Variants in TMEM255B observed in about 807,000 individuals in gnomAD.
TMEM255B encodes transmembrane protein 255B, also known as family with sequence similarity 70, member B.
In TMEM255B, 35 loss-of-function variants were observed where a neutral mutation model predicts 34.5. The observed-to-expected ratio is 1.01, with a 90% CI of 0.77 to 1.34. TMEM255B has a LOEUF of 1.34. Ranked by LOEUF, TMEM255B falls within the 40% of genes most tolerant of loss-of-function variation. The pLI is 0.00. For synonymous variants in TMEM255B, 206 were observed against 201.2 expected, an observed-to-expected ratio of 1.02 and a Z score of -0.20; for missense variants, 432 against 433.2, an observed-to-expected ratio of 1.00 and a Z score of 0.02.
intron 1 of TMEM255B, chr13:113,761,252 A>G: frequency 2.0e-6 from 2 of 985,306 alleles, no homozygotes; most frequent in Non-Finnish European, 2.4e-6. Context: ...GCCACCTCCC[A>G]TGCTTTGTGA....
chr13:113,803,940 G>T (rs2051114715), intron 7 of TMEM255B, among the ~76,000 whole-genome samples: 1 of 152,188 alleles, frequency 6.6e-6, no homozygotes, highest in African/African-American at 2.4e-5. Flanking sequence ...CGTGTCCCCG[G>T]GTCGTCACCG....
At chr13:113,810,433 T>C (rs953039494) in intron 8 of TMEM255B, among the ~76,000 whole-genome samples, 1 of 152,248 alleles carries the variant, frequency 6.6e-6, no homozygotes, top group Admixed American at 6.5e-5. Flanking sequence ...TCTTCGCTTT[T>C]CTGGTCTCAG....
Position 113,801,774 on chromosome 13 carries a change from A to T in TMEM255B, c.631A>T (p.Ile211Phe), listed in dbSNP as rs1204935242. 1.9e-6 allele frequency: 3 copies of T among 1,612,322 alleles called. No homozygotes were observed. The highest frequency in any genetic ancestry group is 2.5e-6 in the Non-Finnish European group (3 of 1,179,284). ...VLNVLGLFLG[I>F]ITAAVLGAFK... ...GAACGTCCTGGGCCTGTTCCTGGGC[A>T]TCATCACCGCCGCCGTCCTGGGGGC... The change falls in exon 7 of 9, where the codon ATC (isoleucine) becomes TTC (phenylalanine). Residue 211 changes from isoleucine (I) to phenylalanine (F), a missense_variant. Coordinates refer to ENST00000375353, the MANE Select transcript of TMEM255B (RefSeq NM_182614.4).
intron 5 of TMEM255B, 125 bp from the exon 6 acceptor site, chr13:113,800,702 G>A (rs907970535): frequency 3.5e-6 from 3 of 846,800 alleles, no homozygotes; most frequent in Non-Finnish European, 5.7e-6. Context: ...GGAAAGTCGG[G>A]GGAGGCAGCT....
chr13:113,768,996 G>A lies in TMEM255B; in HGVS notation c.190-102G>A, dbSNP rs751183558. ...TAGGGATGTCTGGCCTTCGTCCCTG[G>A]ATAAAATGCCTTTGAGGGCGGGATT... On this transcript the variant is annotated intron_variant, in intron 2 of 8. Coordinates refer to ENST00000375353, the MANE Select transcript of TMEM255B (RefSeq NM_182614.4). 8.9e-6 allele frequency: 12 copies of A among 1,348,526 alleles called. No individual in the cohort carries two copies. In the African/African-American group the frequency reaches 1.7e-4, roughly 19 times the overall value. The allele number at this position is 1,348,526 out of a possible 1,614,324, so 83.5% of individuals were successfully genotyped here.
chr13:113,800,317 G>GTGTGTGTGTA (rs1416495618), intron 5 of TMEM255B, among the ~76,000 whole-genome samples: 1 of 149,558 alleles, frequency 6.7e-6, no homozygotes, highest in East Asian at 2.0e-4. Context: ...GTGTGTGTGT[G>GTGTGTGTGTA]TGTGTGTGTG....
rs1164079121 is a variant in TMEM255B at position 113,806,708 on chromosome 13, C to T, written c.813+1680C>T. 6.6e-6 allele frequency among the ~76,000 whole-genome samples: 1 copy of T among 152,136 alleles called. No individual in the cohort carries two copies. ...CTCCTGCCCCTGCCCCAGGGACGTC[C>T]CCATCATGGCAGGGACCGTGCCCCC... On this transcript the variant is annotated intron_variant, in intron 8 of 8. Coordinates refer to ENST00000375353, the MANE Select transcript of TMEM255B (RefSeq NM_182614.4). This position sits in a 1 kb window ranked among gnomAD's most constrained non-coding sequence, Gnocchi z 4.2.
chr13:113,807,821 G>T (rs1323730717), intron 8 of TMEM255B, among the ~76,000 whole-genome samples: 4 of 140,086 alleles, frequency 2.9e-5, no homozygotes, highest in African/African-American at 8.0e-5. Flanking sequence ...GGGCTTACGG[G>T]ATGTGGGGGG....
In TMEM255B at chr13:113,812,883, G is replaced by A. The variant is rs1427302075; in HGVS notation, c.*980G>A. The A allele has an allele frequency of 7.5e-3, 1,149 of 153,360 alleles. 95 individuals are homozygous for A. Among genetic ancestry groups the A allele is most frequent in the African/African-American group, 0.037 (1,046 of 28,244 alleles). 9.5% of individuals were successfully genotyped at this position (153,360 alleles called of 1,614,324 possible). A position where few individuals can be genotyped will look rare whatever the true frequency, so the allele number is the denominator to read the frequency against. The stretch of plus-strand genomic sequence containing the variant: ...CCGGGTGGGTCACAGGTCCCGAGTG[G>A]GTCACAGGCCCCGGGTGAGTCACAG... On this transcript the variant is annotated 3_prime_UTR_variant, in exon 9 of 9. Transcript: ENST00000375353.
Position 113,812,015 on chromosome 13 carries a change from A to G in TMEM255B, c.*112A>G, listed in dbSNP as rs1385086518. The G allele has an allele frequency of 1.2e-5, 16 of 1,368,920 alleles. No homozygotes were observed. Among genetic ancestry groups the G allele is most frequent in the South Asian group, 2.8e-5 (2 of 71,442 alleles). 84.8% of individuals were successfully genotyped at this position (1,368,920 alleles called of 1,614,324 possible). A position where few individuals can be genotyped will look rare whatever the true frequency, so the allele number is the denominator to read the frequency against. On this transcript the variant is annotated 3_prime_UTR_variant, in exon 9 of 9. Transcript: ENST00000375353. ...CCTAGAGAACCCGGGAGAATGTTCC[A>G]GAAGTCTGTCCCCTCCTTTCCTCCC...
chr13:113,775,365 G>A (rs2050559060), intron 3 of TMEM255B, among the ~76,000 whole-genome samples: 1 of 152,266 alleles, frequency 6.6e-6, no homozygotes, highest in Non-Finnish European at 1.5e-5. Context: ...CGCTGTCGTG[G>A]GAGCCCCATC....
At position 113,770,839 on chromosome 13, in the gene TMEM255B, T is replaced by C. The variant is rs367627823; in HGVS notation, c.252+1679T>C. 2.7e-4 allele frequency among the ~76,000 whole-genome samples: 41 copies of C among 152,250 alleles called. No individual in the cohort carries two copies. The highest frequency in any genetic ancestry group is 3.4e-3 in the Middle Eastern group (1 of 294). On this transcript the variant is annotated intron_variant, in intron 3 of 8. Coordinates refer to ENST00000375353, the MANE Select transcript of TMEM255B (RefSeq NM_182614.4). The surrounding 1 kb of genome is among the most constrained non-coding windows in gnomAD (Gnocchi z 4.6). ...TCAGAGTCTGGAGCTGCTTGGTGCCTGTAGGGAGTTGGGTGGGCCTGAGGA... is the reference window on the plus strand; with the variant it reads ...TCAGAGTCTGGAGCTGCTTGGTGCCCGTAGGGAGTTGGGTGGGCCTGAGGA...
chr13:113,800,059 G>C, intron 5 of TMEM255B: 8 of 1,203,844 alleles, frequency 6.6e-6, no homozygotes, highest in Non-Finnish European at 8.5e-6. Flanking sequence ...CTGCCGGGAG[G>C]CATCGTGTGT....
At chr13:113,798,539 G>GCATTA (rs1248980958) in intron 4 of TMEM255B, among the ~76,000 whole-genome samples, 2 of 151,082 alleles carry the variant, frequency 1.3e-5, no homozygotes, top group African/African-American at 4.9e-5. Context: ...GATGATGGAT[G>GCATTA]TGGATGGATA....
rs1398777328 is a variant in TMEM255B at position 113,806,895 on chromosome 13, T to C, written c.813+1867T>C. Among the ~76,000 whole-genome samples, 1 of 152,106 alleles carries C rather than the reference T, an allele frequency of 6.6e-6. No homozygotes were observed. Among genetic ancestry groups the C allele is most frequent in the Non-Finnish European group, 1.5e-5 (1 of 67,988 alleles). On this transcript the variant is annotated intron_variant, in intron 8 of 8. Coordinates refer to ENST00000375353, the MANE Select transcript of TMEM255B (RefSeq NM_182614.4). This position sits in a 1 kb window ranked among gnomAD's most constrained non-coding sequence, Gnocchi z 4.2. ...GGCCTGCAGGTGCTCCCCAAGCGGCTCTACACAGACACAGACTTGGAATCG... is the reference window on the plus strand; with the variant it reads ...GGCCTGCAGGTGCTCCCCAAGCGGCCCTACACAGACACAGACTTGGAATCG...
chr13:113,769,070 TTC>T lies in TMEM255B; in HGVS notation c.190-21_190-20del, dbSNP rs2050436951. On this transcript the variant is annotated intron_variant, in intron 2 of 8. Transcript: ENST00000375353. This position sits in a 1 kb window ranked among gnomAD's most constrained non-coding sequence, Gnocchi z 4.2. ...AGCTTCTAGGCACGTTAATGAGTGT[TTC>T]TCTCTCGTTCTTCCTTTGGTTTTAG... The T allele has an allele frequency of 6.2e-7, 1 of 1,613,294 alleles. No homozygotes were observed. Among genetic ancestry groups the T allele is most frequent in the Admixed American group, 1.7e-5 (1 of 60,004 alleles).
intron 1 of TMEM255B, among the ~76,000 whole-genome samples, chr13:113,763,446 G>A (rs1233963823): frequency 1.3e-5 from 2 of 152,070 alleles, no homozygotes; most frequent in Admixed American, 6.6e-5. Flanking sequence ...TCGACTTCCC[G>A]ACAGAGACCC....
intron 3 of TMEM255B, among the ~76,000 whole-genome samples, chr13:113,780,641 C>G (rs2050652809): frequency 6.6e-6 from 1 of 152,218 alleles, no homozygotes; most frequent in Non-Finnish European, 1.5e-5. Context: ...AACATTTTAG[C>G]TCTTCAAGAG....
chr13:113,803,636 A>ACGAGGGGCGCCCCC (rs2051106357), intron 7 of TMEM255B, among the ~76,000 whole-genome samples: 1 of 118,438 alleles, frequency 8.4e-6, no homozygotes, highest in African/African-American at 2.9e-5. Flanking sequence ...AGAACTGCAA[A>ACGAGGGGCGCCCCC]TCTCCTGCCC....
Sources: allele counts gnomAD v4.1 joint callset (sites outside exome capture counted in the v4.1 genomes callset), GRCh38; gene constraint gnomAD v4.1.1; non-coding constraint Gnocchi (gnomAD v3.1); transcripts MANE v1.5; gene names NCBI Gene and HGNC (gene_info 2026-07-23, HGNC 2026-07-21).